TG: variants seen among roughly 807,000 people sequenced by gnomAD.
The protein encoded by TG is thyroglobulin, also known as thyroid hormones.
A neutral mutation model predicts 324.7 loss-of-function variants in TG; 270 were observed. That is an observed-to-expected ratio of 0.83 (90% CI 0.75 to 0.92). The LOEUF is 0.92. Among genes scored for constraint, TG ranks in the 40% least tolerant of loss-of-function variants. The pLI is 0.00. For synonymous variants in TG, 1,401 were observed against 1,327.0 expected (o/e 1.06, Z -1.21); for missense variants, 3,591 against 3,456.4 (o/e 1.04, Z -0.98).
At chr8:133,080,615 C>A (rs1564164325) in intron 41 of TG, among the ~76,000 whole-genome samples, 1 of 152,162 alleles carries the variant, frequency 6.6e-6, no homozygotes, top group Non-Finnish European at 1.5e-5. Context: ...CCACAGGAAC[C>A]ACTTCACCCC....
chr8:132,886,957 A>G lies in TG; in HGVS notation c.1585A>G (p.Asn529Asp). Residue 529 changes from asparagine (N) to aspartate (D), a missense_variant, in exon 9 of 48, where the codon AAT (asparagine) becomes GAT (aspartate). Coordinates refer to ENST00000220616, the MANE Select transcript of TG (RefSeq NM_003235.5). ...AKPLSVGLDSNSSTGTPEAAK... is the reference protein window; with the variant it reads ...AKPLSVGLDSDSSTGTPEAAK... Reference sequence around the variant, plus strand: ...GCCACTCTCTGTGGGATTAGATTCAAATTCTTCCACAGGAACCCCTGAAGC... The same window carrying G: ...GCCACTCTCTGTGGGATTAGATTCAGATTCTTCCACAGGAACCCCTGAAGC... 2 of 1,614,182 alleles carry G rather than the reference A, an allele frequency of 1.2e-6. No homozygotes were observed. The highest frequency in any genetic ancestry group is 1.3e-5 in the African/African-American group (1 of 75,032).
At chr8:133,103,709 G>A (rs2979026) in intron 43 of TG, among the ~76,000 whole-genome samples, 33,892 of 152,094 alleles carry the variant, frequency 0.22, 4,267 homozygotes, top group South Asian at 0.3. Context: ...GGAGAAGTAA[G>A]TCCTTGTCCC....
chr8:133,012,014 G>C lies in TG; in HGVS notation c.6376G>C (p.Val2126Leu), dbSNP rs746048170. The C allele has an allele frequency of 2.1e-5, 34 of 1,614,078 alleles. No homozygotes were observed. The Middle Eastern group carries it at 4.9e-4, about 23-fold the overall frequency. ...TGCTGCCACCAGCAATTTCTCTGCT[G>C]TCCGAGACCTCTGTTTGTCGGGTAA... Reference protein sequence around the residue: ...STAATSNFSAVRDLCLSECSQ... With the variant: ...STAATSNFSALRDLCLSECSQ... Residue 2126 changes from valine (V) to leucine (L), a missense_variant, in exon 36 of 48, where the codon GTC becomes CTC. Coordinates refer to ENST00000220616, the MANE Select transcript of TG (RefSeq NM_003235.5).
Position 132,913,283 on chromosome 8 carries a change from C to A in TG, c.4378+18C>A. 6.2e-7 allele frequency: 1 copy of A among 1,611,938 alleles called. No homozygotes were observed. Among genetic ancestry groups the A allele is most frequent in the Non-Finnish European group, 8.5e-7 (1 of 1,178,616 alleles). Reference sequence around the variant, plus strand: ...GGGATGCGGTAGGTCCACTCTCTCCCTGGATATCTCCTGTGGAGCCATGTG... The same window carrying A: ...GGGATGCGGTAGGTCCACTCTCTCCATGGATATCTCCTGTGGAGCCATGTG... On this transcript the variant is annotated intron_variant, in intron 20 of 47. Transcript: ENST00000220616.
At chr8:132,882,659 G>C (rs1157816669) in intron 7 of TG, 47 bp downstream of exon 7, 1 of 1,613,868 alleles carries the variant, frequency 6.2e-7, no homozygotes, top group Non-Finnish European at 8.5e-7. Context: ...TTAGGGGGAC[G>C]CCTCTTGGGT....
intron 45 of TG, among the ~76,000 whole-genome samples, chr8:133,127,356 C>T (rs1042851904): frequency 2.0e-5 from 3 of 152,178 alleles, no homozygotes; most frequent in African/African-American, 7.2e-5. Context: ...CGCTGGGGTG[C>T]AGGCTTAGCC....
chr8:133,075,443 G>A (rs1844719727), intron 41 of TG, among the ~76,000 whole-genome samples: 2 of 152,202 alleles, frequency 1.3e-5, no homozygotes, highest in Admixed American at 1.3e-4. Flanking sequence ...GTGCCAATGT[G>A]TGCGTCAAGG....
At chr8:133,031,560 A>G (rs2130997334) in intron 41 of TG, among the ~76,000 whole-genome samples, 1 of 152,350 alleles carries the variant, frequency 6.6e-6, no homozygotes, top group South Asian at 2.1e-4. Context: ...AGGATACTGT[A>G]AAGTTACTCA....
intron 35 of TG, among the ~76,000 whole-genome samples, chr8:133,011,407 G>T (rs915207448): frequency 1.7e-4 from 26 of 151,924 alleles, no homozygotes; most frequent in African/African-American, 5.6e-4. Context: ...CTGCAGGGGG[G>T]TCTCAGTACT....
intron 38 of TG, 71 bp from the exon 39 acceptor site, chr8:133,019,531 T>C (rs1835366312): frequency 7.3e-7 from 1 of 1,363,948 alleles, no homozygotes; most frequent in Non-Finnish European, 1.0e-6. Flanking sequence ...TAGTGGGCTC[T>C]GACCATGGTG....
chr8:132,926,933 C>T (rs1372731608), intron 22 of TG, among the ~76,000 whole-genome samples: 1 of 152,116 alleles, frequency 6.6e-6, no homozygotes, highest in Non-Finnish European at 1.5e-5. Flanking sequence ...TCCTGGCACT[C>T]CCTTTGATCT....
intron 45 of TG, among the ~76,000 whole-genome samples, chr8:133,121,137 A>G (rs1292238056): frequency 6.6e-6 from 1 of 152,214 alleles, no homozygotes; most frequent in African/African-American, 2.4e-5. Flanking sequence ...CTCCTGGCAC[A>G]GATGAAGACT....
chr8:133,060,026 C>G, intron 41 of TG: 1 of 1,456,844 alleles, frequency 6.9e-7, no homozygotes, highest in Non-Finnish European at 9.1e-7. Flanking sequence ...TTACCGGCAT[C>G]CACCACCGCC....
intron 41 of TG, among the ~76,000 whole-genome samples, chr8:133,030,879 G>A (rs189472586): frequency 6.6e-6 from 1 of 152,352 alleles, no homozygotes; most frequent in Admixed American, 6.5e-5. Context: ...GAGCCCTGGT[G>A]GGGCAGCAGT....
In TG at chr8:133,011,977, C is replaced by T; in HGVS notation, c.6339C>T (p.Ala2113=). ...VDPSIRHFDV[A]HVSTAATSNF... ...CATCCATTAGGCACTTTGATGTTGCCCATGTCAGCACTGCTGCCACCAGCA... is the reference window on the plus strand; with the variant it reads ...CATCCATTAGGCACTTTGATGTTGCTCATGTCAGCACTGCTGCCACCAGCA... Residue 2113 remains alanine (A), a synonymous_variant, in exon 36 of 48, where the codon GCC becomes GCT. Transcript: ENST00000220616. The T allele has an allele frequency of 1.2e-6, 2 of 1,614,150 alleles. No individual in the cohort carries two copies. Among genetic ancestry groups the T allele is most frequent in the Non-Finnish European group, 1.7e-6 (2 of 1,180,026 alleles).
intron 31 of TG, among the ~76,000 whole-genome samples, chr8:132,968,342 A>G (rs921800177): frequency 6.6e-6 from 1 of 152,202 alleles, no homozygotes; most frequent in Non-Finnish European, 1.5e-5. Flanking sequence ...CATCAATTTG[A>G]CAATAGAAAA....
chr8:132,882,019 G>A (rs973894471), intron 6 of TG, 50 bp downstream of exon 6: 1 of 1,341,984 alleles, frequency 7.5e-7, no homozygotes, highest in African/African-American at 1.4e-5. Flanking sequence ...TGATTCCTCA[G>A]GTCTGAAAAC....
intron 35 of TG, among the ~76,000 whole-genome samples, chr8:133,007,815 A>G (rs1371428726): frequency 2.1e-5 from 3 of 146,076 alleles, no homozygotes; most frequent in African/African-American, 7.7e-5. Context: ...GGGAGCCTGG[A>G]GTGTTGAGGC....
intron 34 of TG, among the ~76,000 whole-genome samples, chr8:132,978,185 G>T (rs1830405046): frequency 6.6e-6 from 1 of 152,238 alleles, no homozygotes; most frequent in South Asian, 2.1e-4. Flanking sequence ...ATGGCACAAG[G>T]TGCAGGGGAA....
Sources: gnomAD v4.1 joint callset for allele counts (sites outside exome capture counted in the v4.1 genomes callset) on GRCh38, gnomAD v4.1.1 for gene constraint, MANE v1.5 for transcripts, NCBI Gene and HGNC (gene_info 2026-07-23, HGNC 2026-07-21) for gene names.